Variants in TTC13 observed in about 807,000 individuals in gnomAD.
TTC13 encodes the protein tetratricopeptide repeat protein 13.
Under a neutral mutation model 120.0 loss-of-function variants are expected in TTC13, and 62 were observed. The observed-to-expected ratio is 0.52, with a 90% CI of 0.42 to 0.64. The LOEUF is 0.64. Among genes scored for constraint, TTC13 ranks in the 30% least tolerant of loss-of-function variants. The pLI is 0.00. For synonymous variants in TTC13, 384 were observed against 393.5 expected (o/e 0.98, Z 0.28); for missense variants, 824 against 1,050.2 (o/e 0.78, Z 2.98).
In TTC13 at chr1:230,933,765, A is replaced by G; in HGVS notation, c.983+14T>C. On this transcript the variant is annotated intron_variant, in intron 9 of 22. Transcript: ENST00000366661. ...CAGCCTCCCTCCTACCCCAACTGTT[A>G]TTATTTTACTCACCTATATGCCTGC... 6.6e-7 allele frequency: 1 copy of G among 1,519,444 alleles called. No homozygotes were observed. Among genetic ancestry groups the G allele is most frequent in the Non-Finnish European group, 9.0e-7 (1 of 1,108,808 alleles). The allele number at this position is 1,519,444 out of a possible 1,614,324, so 94.1% of individuals were successfully genotyped here.
In TTC13 at chr1:230,920,658, C is replaced by T. The variant is rs1456951537; in HGVS notation, c.1899-64G>A. Reference sequence around the variant, plus strand: ...TGCAGAATTGTAATAATTAATCATGCAATTATCTTTAATTTAAATAAATTG... The same window carrying T: ...TGCAGAATTGTAATAATTAATCATGTAATTATCTTTAATTTAAATAAATTG... On this transcript the variant is annotated intron_variant, in intron 16 of 22. Transcript: ENST00000366661. 1.0e-5 allele frequency: 10 copies of T among 983,782 alleles called. No individual in the cohort carries two copies. In the African/African-American group the frequency reaches 1.3e-4, roughly 13 times the overall value. The allele number at this position is 983,782 out of a possible 1,614,324, so 60.9% of individuals were successfully genotyped here. A position where few individuals can be genotyped will look rare whatever the true frequency, so the allele number is the denominator to read the frequency against.
chr1:230,961,629 G>T (rs1449692304), intron 1 of TTC13, among the ~76,000 whole-genome samples: 1 of 152,164 alleles, frequency 6.6e-6, no homozygotes, highest in East Asian at 1.9e-4. Context: ...ATGTTTTACG[G>T]TTTGCAAGTA....
chr1:230,977,802 G>GT (rs1678490184), intron 1 of TTC13, among the ~76,000 whole-genome samples: 10 of 152,174 alleles, frequency 6.6e-5, no homozygotes, highest in Admixed American at 6.5e-4. Flanking sequence ...ATGTACACAC[G>GT]TATTTTGTCC....
intron 1 of TTC13, among the ~76,000 whole-genome samples, chr1:230,964,877 G>T (rs1676981080): frequency 1.3e-5 from 2 of 152,090 alleles, no homozygotes; most frequent in South Asian, 4.1e-4. Flanking sequence ...TACACACTGG[G>T]GAAGGCAGTC....
chr1:230,963,160 A>G (rs1251114500), intron 1 of TTC13, among the ~76,000 whole-genome samples: 2 of 152,214 alleles, frequency 1.3e-5, no homozygotes, highest in African/African-American at 4.8e-5. Context: ...CATCTGAGGG[A>G]GAGAATAAAT....
In TTC13 at chr1:230,911,546, C is replaced by A; in HGVS notation, c.2233G>T (p.Ala745Ser). The A allele has an allele frequency of 6.5e-7, 1 of 1,538,278 alleles. No individual in the cohort carries two copies. The highest frequency in any genetic ancestry group is 8.7e-7 in the Non-Finnish European group (1 of 1,147,860). Residue 745 changes from alanine to serine, a missense_variant, in exon 20 of 23, where the codon GCT (alanine) becomes TCT (serine). Transcript: ENST00000366661. ...VLILSSEFGE[A>S]DAVCNLILSL... is the part of the protein sequence containing the mutation. ...AAGATTAAGTTGCAGACAGCATCAG[C>A]CTCCTAGAAAAAAAAGATACAGACT...
At chr1:230,938,364 A>G (rs1160622700) in intron 8 of TTC13, among the ~76,000 whole-genome samples, 1 of 152,172 alleles carries the variant, frequency 6.6e-6, no homozygotes, top group African/African-American at 2.4e-5. Flanking sequence ...TGAGAGAGGC[A>G]GCTCCCCGTC....
intron 8 of TTC13, among the ~76,000 whole-genome samples, chr1:230,937,504 G>A (rs1674171924): frequency 6.6e-6 from 1 of 152,220 alleles, no homozygotes. Context: ...AACTGGACAA[G>A]TCTATCTGGC....
chr1:230,955,349 TA>T (rs373043020), intron 3 of TTC13, among the ~76,000 whole-genome samples: 44 of 152,252 alleles, frequency 2.9e-4, no homozygotes, highest in African/African-American at 9.6e-4. Flanking sequence ...ATTAAGAGCT[TA>T]TACTTTCTGA....
chr1:230,970,050 T>C (rs1677566856), intron 1 of TTC13, among the ~76,000 whole-genome samples: 1 of 152,240 alleles, frequency 6.6e-6, no homozygotes, highest in Admixed American at 6.5e-5. Context: ...ATAAACTCAA[T>C]GTTAATGAAC....
At chr1:230,914,272 A>G (rs567896379) in intron 18 of TTC13, among the ~76,000 whole-genome samples, 1 of 152,200 alleles carries the variant, frequency 6.6e-6, no homozygotes, top group Non-Finnish European at 1.5e-5. Flanking sequence ...CCCCTGAGAC[A>G]GCAAGACCAA....
chr1:230,909,011 A>G lies in TTC13; in HGVS notation c.2319T>C (p.Ala773=), dbSNP rs776538733. 6.2e-7 allele frequency: 1 copy of G among 1,614,132 alleles called. No individual in the cohort carries two copies. The highest frequency in any genetic ancestry group is 8.5e-7 in the Non-Finnish European group (1 of 1,179,972). ...MPLSRGSSVI[A]YSVIVGALMA... ...TCAGTGCTCCCACGATGACCGAGTA[A>G]GCAATTACACTATTTAAATAAAGAA... is the stretch of plus-strand genomic sequence containing the variant. Residue 773 remains alanine, a synonymous_variant, in exon 21 of 23, where the codon GCT becomes GCC. Transcript: ENST00000366661.
chr1:230,927,422 A>G (rs1181642981), intron 12 of TTC13, among the ~76,000 whole-genome samples: 1 of 152,120 alleles, frequency 6.6e-6, no homozygotes, highest in African/African-American at 2.4e-5. Flanking sequence ...TTGCTCATCT[A>G]GTGGCTGAAA....
At position 230,921,489 on chromosome 1, in the gene TTC13, G is replaced by A. The variant is rs776984208; in HGVS notation, c.1830C>T (p.Asn610=). 2.8e-5 allele frequency: 43 copies of A among 1,540,604 alleles called. No individual in the cohort carries two copies. The highest frequency in any genetic ancestry group is 3.6e-5 in the Non-Finnish European group (41 of 1,134,680). ...TCTCAAAATATTCTAGGTATCTCATGTTGATCACCTGACCCCTATAAGGCA... is the reference window on the plus strand; with the variant it reads ...TCTCAAAATATTCTAGGTATCTCATATTGATCACCTGACCCCTATAAGGCA... The part of the protein sequence containing the change: ...HINLIRGQVI[N]MRYLEYFEKI... Residue 610 remains asparagine, a synonymous_variant, in exon 16 of 23, where the codon AAC becomes AAT. Coordinates refer to ENST00000366661, the MANE Select transcript of TTC13 (RefSeq NM_024525.5).
chr1:230,908,439 C>G (rs191768957), intron 22 of TTC13: 1 of 509,992 alleles, frequency 2.0e-6, no homozygotes, highest in East Asian at 4.9e-5. Context: ...ATCCTTCCAC[C>G]TCAGCCTCCC....
chr1:230,973,102 A>C (rs1173503717), intron 1 of TTC13, among the ~76,000 whole-genome samples: 1 of 152,232 alleles, frequency 6.6e-6, no homozygotes, highest in Non-Finnish European at 1.5e-5. Flanking sequence ...CCAGGAGATG[A>C]AAGGATTGAC....
chr1:230,961,486 G>A (rs779011092), intron 1 of TTC13, among the ~76,000 whole-genome samples, 183 bp from the exon 2 acceptor site: 7 of 152,020 alleles, frequency 4.6e-5, no homozygotes, highest in South Asian at 2.1e-4. Context: ...CAGGAGGCTC[G>A]CTTGAGGCAA....
chr1:230,911,433 C>CA, intron 20 of TTC13, 37 bp downstream of exon 20: 1 of 1,442,834 alleles, frequency 6.9e-7, no homozygotes, highest in East Asian at 2.4e-5. Flanking sequence ...ACACATTTCT[C>CA]AATTTAAAAT....
At position 230,908,794 on chromosome 1, in the gene TTC13, G is replaced by A; in HGVS notation, c.2389-3C>T. The stretch of plus-strand genomic sequence containing the variant: ...GTCATAGCTTCAAAGTCGACTAACT[G>A]AAAAAGAAAGACATTTAGGAATGTT... On this transcript the variant is annotated splice_region_variant and splice_polypyrimidine_tract_variant and intron_variant, in intron 21 of 22. Coordinates refer to ENST00000366661, the MANE Select transcript of TTC13 (RefSeq NM_024525.5). 6.2e-7 allele frequency: 1 copy of A among 1,612,098 alleles called. No individual in the cohort carries two copies.
Sources: gnomAD v4.1 joint callset for allele counts (sites outside exome capture counted in the v4.1 genomes callset) on GRCh38, gnomAD v4.1.1 for gene constraint, MANE v1.5 for transcripts, NCBI Gene and HGNC (gene_info 2026-07-23, HGNC 2026-07-21) for gene names.